SOX5: variants seen among roughly 807,000 people sequenced by gnomAD.
SOX5 encodes the protein transcription factor SOX-5.
In SOX5, 9 loss-of-function variants were observed where a neutral mutation model predicts 92.0. The observed-to-expected ratio is 0.10, with a 90% CI of 0.06 to 0.17. The LOEUF (loss-of-function observed/expected upper bound fraction) is 0.17. Among genes scored for constraint, SOX5 ranks in the 10% least tolerant of loss-of-function variants. SOX5 has a pLI of 1.00. For synonymous variants in SOX5, 344 were observed against 336.3 expected, an observed-to-expected ratio of 1.02 and a Z score of -0.25; for missense variants, 642 against 944.5, an observed-to-expected ratio of 0.68 and a Z score of 4.20.
At chr12:23,797,330 T>C (rs1185201835) in intron 3 of SOX5, among the ~76,000 whole-genome samples, 23 of 152,078 alleles carry the variant, frequency 1.5e-4, no homozygotes. Context: ...TACACAGATG[T>C]ATCTTGGCCA....
chr12:23,541,833 G>A (rs886472624), intron 13 of SOX5, among the ~76,000 whole-genome samples: 5 of 152,160 alleles, frequency 3.3e-5, no homozygotes, highest in African/African-American at 4.8e-5. Context: ...ACATACGGCC[G>A]GGCGTGGTGG....
At chr12:24,324,736 G>A (rs1950516105) in intron 2 of SOX5, among the ~76,000 whole-genome samples, 1 of 151,774 alleles carries the variant, frequency 6.6e-6, no homozygotes, top group African/African-American at 2.4e-5. Flanking sequence ...CAGTTTCTTT[G>A]TATGTAAAAA....
chr12:24,520,974 C>G lies in SOX5; in HGVS notation c.-251+41355G>C, dbSNP rs896551372. Among the ~76,000 whole-genome samples the G allele has an allele frequency of 2.0e-5, 3 of 152,130 alleles. No individual in the cohort carries two copies. In the East Asian group the frequency reaches 5.8e-4, roughly 29 times the overall value. On this transcript the variant is annotated intron_variant, in intron 1 of 4. Transcript: ENST00000446891. Reference sequence around the variant, plus strand: ...ATAACAATTATAAATATAAATACACCTAACATCAGAGTACCTAAATACATA... The same window carrying G: ...ATAACAATTATAAATATAAATACACGTAACATCAGAGTACCTAAATACATA...
At chr12:24,457,102 C>A (rs1267206794) in intron 1 of SOX5, among the ~76,000 whole-genome samples, 3 of 152,140 alleles carry the variant, frequency 2.0e-5, no homozygotes, top group Non-Finnish European at 4.4e-5. Context: ...TATTAAAGCT[C>A]AATCTTATAT....
chr12:24,455,274 T>C (rs995352171), intron 1 of SOX5, among the ~76,000 whole-genome samples: 6 of 152,200 alleles, frequency 3.9e-5, no homozygotes, highest in African/African-American at 1.4e-4. Flanking sequence ...AGTTCCTCTA[T>C]TTGAAACTGG....
chr12:24,292,851 G>A (rs932912851), intron 2 of SOX5, among the ~76,000 whole-genome samples: 2 of 152,124 alleles, frequency 1.3e-5, no homozygotes, highest in Non-Finnish European at 2.9e-5. Context: ...AAACGCAGTC[G>A]CTCTTCCACT....
chr12:24,270,055 T>C (rs1051864656), intron 3 of SOX5, among the ~76,000 whole-genome samples: 1 of 150,332 alleles, frequency 6.7e-6, no homozygotes, highest in Admixed American at 6.8e-5. Context: ...TCATTTCTAA[T>C]GTGGGAAACT....
At chr12:23,616,618 A>T (rs1467203416) in intron 8 of SOX5, among the ~76,000 whole-genome samples, 3 of 152,230 alleles carry the variant, frequency 2.0e-5, no homozygotes, top group Non-Finnish European at 4.4e-5. Context: ...CAAGAAAAAA[A>T]TGTATTACAG....
intron 3 of SOX5, among the ~76,000 whole-genome samples, chr12:23,822,070 AC>A (rs1568061215): frequency 6.6e-6 from 1 of 152,168 alleles, no homozygotes; most frequent in Non-Finnish European, 1.5e-5. Flanking sequence ...TTTTCAAAAA[AC>A]CAGCTCCTAG....
chr12:24,162,350 C>T (rs1454778385), intron 4 of SOX5, among the ~76,000 whole-genome samples: 3 of 151,926 alleles, frequency 2.0e-5, no homozygotes, highest in African/African-American at 7.3e-5. Flanking sequence ...TAGTTTTATC[C>T]AAAGTCATCC....
At chr12:24,007,212 T>C (rs1304820020) in intron 4 of SOX5, among the ~76,000 whole-genome samples, 2 of 36,362 alleles carry the variant, frequency 5.5e-5, no homozygotes, top group African/African-American at 1.6e-4. Context: ...TATTTATATA[T>C]ATAAATGTAT....
intron 1 of SOX5, among the ~76,000 whole-genome samples, chr12:24,447,177 T>C (rs1941610261): frequency 6.6e-6 from 1 of 152,036 alleles, no homozygotes. Flanking sequence ...ACAAACAGTA[T>C]GGAAAGGGAG....
chr12:23,826,780 C>T lies in SOX5; in HGVS notation c.481+19203G>A, dbSNP rs548593642. 2.0e-4 allele frequency among the ~76,000 whole-genome samples: 30 copies of T among 152,256 alleles called. 1 individual carries two copies. The highest frequency in any genetic ancestry group is 7.2e-4 in the Admixed American group (11 of 15,282). ...GTTCATTTATATGGCTTTCTGCTCC[C>T]AAGTCTTCCACATGACTAATGTCAC... On this transcript the variant is annotated intron_variant, in intron 3 of 14. Coordinates refer to ENST00000451604, the MANE Select transcript of SOX5 (RefSeq NM_006940.6).
At chr12:24,404,653 T>C (rs771923710) in intron 1 of SOX5, among the ~76,000 whole-genome samples, 1 of 152,206 alleles carries the variant, frequency 6.6e-6, no homozygotes, top group Admixed American at 6.5e-5. Flanking sequence ...AAGTGTAGGA[T>C]AGCAGAAAGA....
chr12:23,941,184 A>G (rs945669071), intron 1 of SOX5, among the ~76,000 whole-genome samples: 1 of 151,642 alleles, frequency 6.6e-6, no homozygotes, highest in Non-Finnish European at 1.5e-5. Context: ...GCATGTGCAC[A>G]CACGTATAAC....
chr12:24,169,952 T>A (rs1461080653), intron 4 of SOX5, among the ~76,000 whole-genome samples: 1 of 152,184 alleles, frequency 6.6e-6, no homozygotes, highest in African/African-American at 2.4e-5. Context: ...AGGTGTATTG[T>A]TGCCTGAACC....
intron 4 of SOX5, among the ~76,000 whole-genome samples, chr12:24,052,233 G>C (rs915926676): frequency 6.6e-6 from 1 of 152,118 alleles, no homozygotes; most frequent in Non-Finnish European, 1.5e-5. Context: ...AGGAATGAGA[G>C]AATCAAGACA....
At position 23,936,968 on chromosome 12, in the gene SOX5, T is replaced by C. The variant is rs554088987; in HGVS notation, c.38+12596A>G. Among the ~76,000 whole-genome samples, 16 of 151,006 alleles carry C rather than the reference T, an allele frequency of 1.1e-4. No individual in the cohort carries two copies. The South Asian group carries it at 2.5e-3, about 23-fold the overall frequency. ...TGATATGTGAGTAGTAGCTACCATA[T>C]TAGAAAGGAGCACAAATAGAGAGGG... On this transcript the variant is annotated intron_variant, in intron 1 of 14. Transcript: ENST00000451604.
chr12:24,334,275 T>G (rs1048277962), intron 2 of SOX5, among the ~76,000 whole-genome samples: 2 of 152,002 alleles, frequency 1.3e-5, no homozygotes, highest in African/African-American at 4.8e-5. Flanking sequence ...TTACATTGCA[T>G]AAATTTAAAA....
Sources: gnomAD v4.1 joint callset for allele counts (sites outside exome capture counted in the v4.1 genomes callset) on GRCh38, gnomAD v4.1.1 for gene constraint, MANE v1.5 for transcripts, NCBI Gene and HGNC (gene_info 2026-07-23, HGNC 2026-07-21) for gene names.